APOBEC3B: variants seen among roughly 807,000 people sequenced by gnomAD.
APOBEC3B encodes apolipoprotein B mRNA editing enzyme catalytic subunit 3B.
In APOBEC3B, 29 loss-of-function variants were observed where a neutral mutation model predicts 53.4. The observed-to-expected ratio is 0.54, with a 90% confidence interval of 0.40 to 0.74. The LOEUF (loss-of-function observed/expected upper bound fraction) is 0.74. Ranked by LOEUF, APOBEC3B falls within the 30% of genes least tolerant of loss-of-function variation. APOBEC3B has a pLI of 0.00. For missense variants in APOBEC3B, 347 were observed against 496.2 expected (o/e 0.70, Z 2.86); for synonymous variants, 132 against 184.8 (o/e 0.71, Z 2.32).
In APOBEC3B at chr22:38,991,554, G is replaced by C. The variant is rs779324810; in HGVS notation, c.946G>C (p.Asp316His). ...CTTCGCTGCCCGCATCTATGATTAC[G>C]ACCCCCTATATAAGGAGGCGCTGCA... ...RIFAARIYDY[D>H]PLYKEALQML... The change falls in exon 6 of 8, where the codon GAC becomes CAC. Residue 316 changes from aspartate (D) to histidine (H), a missense_variant. Coordinates refer to ENST00000333467, the MANE Select transcript of APOBEC3B (RefSeq NM_004900.5). 9 of 1,591,090 alleles carry C rather than the reference G, an allele frequency of 5.7e-6. No homozygotes were observed. Among genetic ancestry groups the C allele is most frequent in the Non-Finnish European group, 6.8e-6 (8 of 1,171,796 alleles).
intron 5 of APOBEC3B, 25 bp downstream of exon 5, chr22:38,989,635 C>T (rs370830696): frequency 9.1e-6 from 14 of 1,542,102 alleles, no homozygotes; most frequent in Non-Finnish European, 1.2e-5. Flanking sequence ...CACCTGCATC[C>T]AGGCAGGGCC....
rs368061368 is a variant in APOBEC3B, at chr22:38,987,633, A to G, written c.569+1221A>G. Among the ~76,000 whole-genome samples the G allele has an allele frequency of 2.1e-3, 314 of 146,634 alleles. 23 individuals are homozygous for G. The highest frequency in any genetic ancestry group is 4.9e-3 in the African/African-American group (192 of 39,326). Reference sequence around the variant, plus strand: ...GTCTTAGGAGAGGGTGTGGGGGAGGAAATGGTCTCTGTACCAGAAAATAAG... The same window carrying G: ...GTCTTAGGAGAGGGTGTGGGGGAGGGAATGGTCTCTGTACCAGAAAATAAG... On this transcript the variant is annotated intron_variant, in intron 4 of 7. Transcript: ENST00000333467.
intron 4 of APOBEC3B, among the ~76,000 whole-genome samples, chr22:38,988,683 C>CTCTCTTTCTCTCTCTCTCTCTTTCTT (rs1555894372): frequency 4.2e-5 from 2 of 47,528 alleles, no homozygotes; most frequent in African/African-American, 9.0e-5. Flanking sequence ...TTCTCTCTTT[C>CTCTCTTTCTCTCTCTCTCTCTTTCTT]TCTTTCTTTC....
At chr22:38,983,608 C>G (rs1470392143) in intron 1 of APOBEC3B, among the ~76,000 whole-genome samples, 1 of 148,930 alleles carries the variant, frequency 6.7e-6, no homozygotes, top group Non-Finnish European at 1.5e-5. Flanking sequence ...AGGGTAGCCT[C>G]ACGTGAGCTC....
Position 38,985,986 on chromosome 22 carries a change from A to G in APOBEC3B, c.349A>G (p.Thr117Ala). Reference sequence around the variant, plus strand: ...GTCTGAGCACCCCAATGTCACCCTGACCATCTCTGCCGCCCGCCTCTACTA... The same window carrying G: ...GTCTGAGCACCCCAATGTCACCCTGGCCATCTCTGCCGCCCGCCTCTACTA... The part of the protein sequence containing the change: ...FLSEHPNVTL[T>A]ISAARLYYYW... The change falls in exon 3 of 8, where the codon ACC becomes GCC. Residue 117 changes from threonine to alanine, a missense_variant. By Grantham distance (58) the Thr-to-Ala change is moderately conservative. Transcript: ENST00000333467. 6.3e-7 allele frequency: 1 copy of G among 1,593,876 alleles called. No individual in the cohort carries two copies.
intron 5 of APOBEC3B, among the ~76,000 whole-genome samples, chr22:38,990,200 T>C (rs1401751804): frequency 6.7e-6 from 1 of 148,456 alleles, no homozygotes; most frequent in Non-Finnish European, 1.5e-5. Flanking sequence ...AGAGGCCAAG[T>C]TCTGCTTGGC....
At position 38,988,323 on chromosome 22, in the gene APOBEC3B, G is replaced by A. The variant is rs1259340087; in HGVS notation, c.570-1134G>A. On this transcript the variant is annotated intron_variant, in intron 4 of 7. Coordinates refer to ENST00000333467, the MANE Select transcript of APOBEC3B (RefSeq NM_004900.5). ...ATGCACAGGGAGCCTGAAAATCCCA[G>A]TGGATAATGATGCTGTGCCCCAGCC... Among the ~76,000 whole-genome samples, 56 of 148,642 alleles carry A rather than the reference G, an allele frequency of 3.8e-4. 3 individuals are homozygous for A. The highest frequency in any genetic ancestry group is 6.4e-4 in the Non-Finnish European group (43 of 67,298).
At chr22:38,989,234 A>G (rs1311053877) in intron 4 of APOBEC3B, among the ~76,000 whole-genome samples, 2 of 148,084 alleles carry the variant, frequency 1.4e-5, no homozygotes, top group African/African-American at 4.9e-5. Flanking sequence ...AGACCCTGAC[A>G]AGGCCTAAAC....
chr22:38,984,049 G>A (rs761719120), intron 1 of APOBEC3B, 26 bp from the exon 2 acceptor site: 3 of 1,569,930 alleles, frequency 1.9e-6, no homozygotes, highest in South Asian at 1.2e-5. Flanking sequence ...TCCCTGCATG[G>A]GCCGGTTTCT....
intron 2 of APOBEC3B, among the ~76,000 whole-genome samples, chr22:38,985,239 GTTTTT>G (rs561781619): frequency 6.8e-6 from 1 of 146,000 alleles, no homozygotes; most frequent in Non-Finnish European, 1.5e-5. Flanking sequence ...TTTTGTTTTG[GTTTTT>G]TTTTAAGACT....
chr22:38,986,525 T>C, intron 4 of APOBEC3B, 113 bp downstream of exon 4: 4 of 1,218,986 alleles, frequency 3.3e-6, no homozygotes, highest in Non-Finnish European at 4.5e-6. Flanking sequence ...CCTGCCCTCA[T>C]GGTCACACCA....
chr22:38,988,966 T>C (rs1923881490), intron 4 of APOBEC3B, among the ~76,000 whole-genome samples: 1 of 146,608 alleles, frequency 6.8e-6, no homozygotes, highest in Non-Finnish European at 1.5e-5. Context: ...CTATGAATTA[T>C]CCAAAAAGAT....
chr22:38,984,112 G>C lies in APOBEC3B; in HGVS notation c.55G>C (p.Asp19His), dbSNP rs367990393. 3 of 1,587,886 alleles carry C rather than the reference G, an allele frequency of 1.9e-6. No homozygotes were observed. The highest frequency in any genetic ancestry group is 1.1e-5 in the South Asian group (1 of 87,916). Residue 19 changes from aspartate (D) to histidine (H), a missense_variant, in exon 2 of 8, where the codon GAC becomes CAC. Asp to His is a moderately conservative substitution (Grantham distance 81). Transcript: ENST00000333467. The part of the protein sequence containing the change: ...MERMYRDTFY[D>H]NFENEPILYG... ...GCGGATGTATCGAGACACATTCTACGACAACTTTGAAAACGAACCCATCCT... is the reference window on the plus strand; with the variant it reads ...GCGGATGTATCGAGACACATTCTACCACAACTTTGAAAACGAACCCATCCT...
intron 2 of APOBEC3B, 41 bp from the exon 3 acceptor site, chr22:38,985,771 C>T: frequency 6.5e-7 from 1 of 1,546,504 alleles, no homozygotes; most frequent in Non-Finnish European, 8.7e-7. Context: ...TCCTCCTGCT[C>T]CCCCTCTCAG....
chr22:38,992,745 T>C lies in APOBEC3B; in HGVS notation c.*300T>C. 1 of 731,350 alleles carries C rather than the reference T, an allele frequency of 1.4e-6. No homozygotes were observed. Among genetic ancestry groups the C allele is most frequent in the Non-Finnish European group, 2.2e-6 (1 of 463,670 alleles). 45.3% of individuals were successfully genotyped at this position (731,350 alleles called of 1,614,324 possible). ...GCTCCATATTTAGACTAATAAAACA[T>C]TAAGAATCTTCCATAATTGTTTCCA... On this transcript the variant is annotated 3_prime_UTR_variant, in exon 8 of 8. Coordinates refer to ENST00000333467, the MANE Select transcript of APOBEC3B (RefSeq NM_004900.5).
chr22:38,983,529 G>A lies in APOBEC3B; in HGVS notation c.18-546G>A, dbSNP rs553520478. 8.1e-5 allele frequency among the ~76,000 whole-genome samples: 12 copies of A among 148,304 alleles called. 1 individual carries two copies. The highest frequency in any genetic ancestry group is 2.7e-4 in the African/African-American group (11 of 40,924). On this transcript the variant is annotated intron_variant, in intron 1 of 7. Transcript: ENST00000333467. ...CATCCGTCCCCAGCTCTGTGGCCTC[G>A]GCAGGTTACCCCGCCTCTCTGTGCC...
At chr22:38,984,014 G>C (rs1394362315) in intron 1 of APOBEC3B, 61 bp from the exon 2 acceptor site, 2 of 1,537,828 alleles carry the variant, frequency 1.3e-6, no homozygotes, top group Non-Finnish European at 1.7e-6. Flanking sequence ...CAGTGGACAT[G>C]AGCCCCGAGG....
chr22:38,989,757 G>A (rs1342340536), intron 5 of APOBEC3B, 147 bp downstream of exon 5: 2 of 907,288 alleles, frequency 2.2e-6, no homozygotes, highest in South Asian at 2.5e-5. Flanking sequence ...CCTGGAGTTG[G>A]GGGGAGACTT....
chr22:38,992,665 A>T lies in APOBEC3B; in HGVS notation c.*220A>T. 2 of 1,280,738 alleles carry T rather than the reference A, an allele frequency of 1.6e-6. No homozygotes were observed. The highest frequency in any genetic ancestry group is 2.5e-5 in the East Asian group (1 of 39,372). The allele number at this position is 1,280,738 out of a possible 1,614,324, so 79.3% of individuals were successfully genotyped here. ...TATGTTCCAAGTGTACAAGAGTAAG[A>T]TTATGCTCAATATTCCCAGAATAGT... is the stretch of plus-strand genomic sequence containing the variant. On this transcript the variant is annotated 3_prime_UTR_variant, in exon 8 of 8. Transcript: ENST00000333467.
Sources: gnomAD v4.1 joint callset for allele counts (sites outside exome capture counted in the v4.1 genomes callset) on GRCh38, gnomAD v4.1.1 for gene constraint, MANE v1.5 for transcripts, NCBI Gene and HGNC (gene_info 2026-07-23, HGNC 2026-07-21) for gene names.